The following CKAP5 variants were observed in gnomAD, a reference collection of about 807,000 sequenced individuals.
CKAP5 encodes the protein cytoskeleton associated protein 5.
CKAP5 carries 27 observed loss-of-function variants against 232.8 expected under a neutral mutation model. The ratio of observed to expected loss-of-function variants is 0.12; its 90% CI spans 0.09 to 0.16. The LOEUF (loss-of-function observed/expected upper bound fraction) is 0.16, where lower values mean the gene tolerates loss of function less well. Ranked by LOEUF, CKAP5 falls within the 10% of genes least tolerant of loss-of-function variation. The pLI is 1.00. For missense variants in CKAP5, 1,838 were observed against 2,424.7 expected (o/e 0.76, Z 5.08); for synonymous variants, 785 against 841.1 (o/e 0.93, Z 1.16).
chr11:46,758,760 A>G, intron 35 of CKAP5, 163 bp downstream of exon 35: 1 of 667,628 alleles, frequency 1.5e-6, no homozygotes, highest in South Asian at 2.4e-5. Context: ...ACATCCTCTG[A>G]GGCAAGTGAT....
At chr11:46,776,114 C>T (rs1386454199) in intron 24 of CKAP5, 141 bp downstream of exon 24, 2 of 625,582 alleles carry the variant, frequency 3.2e-6, no homozygotes, top group Non-Finnish European at 4.9e-6. Context: ...AATACAAAGG[C>T]CCCAGGAATG....
In CKAP5 at chr11:46,762,065, C is replaced by A. The variant is rs773484223; in HGVS notation, c.4156G>T (p.Ala1386Ser). The A allele has an allele frequency of 2.9e-5, 46 of 1,614,006 alleles. No homozygotes were observed. Among genetic ancestry groups the A allele is most frequent in the Non-Finnish European group, 3.9e-5 (46 of 1,179,962 alleles). ...GDRDNAVRNA[A>S]LNTIVTVYNV... ...TACACCGTTACAATGGTGTTGAGTG[C>A]AGCATTGCGTACAGCATTGTCACGG... is the stretch of plus-strand genomic sequence containing the variant. Residue 1386 changes from alanine to serine, a missense_variant, in exon 32 of 44, where the codon GCA (alanine) becomes TCA (serine). Physicochemically the swap from Ala to Ser is moderately conservative, Grantham distance 99. Around this residue, in one of 6 missense-constraint regions of CKAP5, gnomAD observed 579 missense variants for 843.2 expected, o/e 0.69. Coordinates refer to ENST00000529230, the MANE Select transcript of CKAP5 (RefSeq NM_001008938.4).
Position 46,809,883 on chromosome 11 carries a change from G to A in CKAP5, c.631-9C>T. ...TCTTCTAGTTCTTTCAACTGCAAAT[G>A]TCATATAATATTTAAATAATATCTG... is the stretch of plus-strand genomic sequence containing the variant. On this transcript the variant is annotated splice_polypyrimidine_tract_variant and intron_variant, in intron 5 of 43. Coordinates refer to ENST00000529230, the MANE Select transcript of CKAP5 (RefSeq NM_001008938.4). 4.4e-6 allele frequency: 7 copies of A among 1,599,158 alleles called. No individual in the cohort carries two copies. Among genetic ancestry groups the A allele is most frequent in the Non-Finnish European group, 6.0e-6 (7 of 1,174,918 alleles).
intron 1 of CKAP5, among the ~76,000 whole-genome samples, chr11:46,832,388 C>T: frequency 6.6e-6 from 1 of 152,096 alleles, no homozygotes; most frequent in East Asian, 1.9e-4. Flanking sequence ...TTTGGCAAAG[C>T]CATGGCAGTA....
At chr11:46,752,219 C>CACACACACAA in intron 38 of CKAP5, among the ~76,000 whole-genome samples, 1 of 86,240 alleles carries the variant, frequency 1.2e-5, no homozygotes, top group South Asian at 5.4e-4. Flanking sequence ...CACACACACA[C>CACACACACAA]ACACACACAC....
chr11:46,773,021 C>T (rs574090061), intron 24 of CKAP5, among the ~76,000 whole-genome samples: 4 of 152,238 alleles, frequency 2.6e-5, no homozygotes, highest in South Asian at 2.1e-4. Context: ...GGATTACAGG[C>T]GTGAGCCACC....
intron 9 of CKAP5, among the ~76,000 whole-genome samples, chr11:46,799,455 T>C (rs934243781): frequency 2.0e-5 from 3 of 152,246 alleles, no homozygotes; most frequent in Non-Finnish European, 2.9e-5. Context: ...GATATTTTAA[T>C]GTCTATAAAG....
chr11:46,823,161 A>G (rs1022126141), intron 1 of CKAP5, among the ~76,000 whole-genome samples: 30 of 152,186 alleles, frequency 2.0e-4, no homozygotes, highest in Non-Finnish European at 7.4e-5. Flanking sequence ...TGTAGAGACA[A>G]GGTCTCGTTA....
Position 46,778,576 on chromosome 11 carries a change from A to T in CKAP5, c.2457T>A (p.Ala819=), listed in dbSNP as rs759599948. Residue 819 remains alanine (A), a synonymous_variant, in exon 21 of 44, where the codon GCT becomes GCA. Coordinates refer to ENST00000529230, the MANE Select transcript of CKAP5 (RefSeq NM_001008938.4). ...FEKMQGQSPP[A]PTRGISKHST... The stretch of plus-strand genomic sequence containing the variant: ...TATGCTTGGAAATTCCTCTGGTTGG[A>T]GCAGGTGGACTTTGTCCCTGCATCT... 7 of 1,614,018 alleles carry T rather than the reference A, an allele frequency of 4.3e-6. No individual in the cohort carries two copies. In the Admixed American group the frequency reaches 1.2e-4, roughly 27 times the overall value.
chr11:46,804,944 A>G (rs1470592897), intron 8 of CKAP5, among the ~76,000 whole-genome samples: 1 of 151,896 alleles, frequency 6.6e-6, no homozygotes, highest in Non-Finnish European at 1.5e-5. Flanking sequence ...TTATAAATAA[A>G]AGAACTATAG....
rs370078179 is a variant in CKAP5 at position 46,744,509 on chromosome 11, T to C, written c.5773A>G (p.Thr1925Ala). The change falls in exon 43 of 44, where the codon ACA (threonine) becomes GCA (alanine). Residue 1925 changes from threonine to alanine, a missense_variant. Transcript: ENST00000529230. ...GATGGCCCCACTTCTTCCCCATTTG[T>C]GTTACCTATGGAGGACACTGTGCTT... The part of the protein sequence containing the change: ...PTSTVSSIGN[T>A]NGEEVGPSVY... 2.5e-6 allele frequency: 4 copies of C among 1,614,032 alleles called. No individual in the cohort carries two copies. The African/African-American group carries it at 5.3e-5, about 22-fold the overall frequency.
intron 23 of CKAP5, 51 bp downstream of exon 23, chr11:46,777,388 T>C: frequency 1.7e-6 from 2 of 1,145,674 alleles, no homozygotes; most frequent in South Asian, 1.3e-5. Context: ...AACCCAAAAA[T>C]ATGGCTGGCC....
At position 46,843,919 on chromosome 11, in the gene CKAP5, C is replaced by G. The variant is rs1940118243; in HGVS notation, c.-38+2301G>C. Among the ~76,000 whole-genome samples the G allele has an allele frequency of 2.6e-5, 4 of 152,040 alleles. No homozygotes were observed. In the South Asian group the frequency reaches 8.3e-4, roughly 32 times the overall value. ...GTTGATAAAGTCCTAATAGAAGCTA[C>G]AGTTAGAAAAGTGAGGGTTAGCCAG... On this transcript the variant is annotated intron_variant, in intron 1 of 43. Coordinates refer to ENST00000529230, the MANE Select transcript of CKAP5 (RefSeq NM_001008938.4).
chr11:46,818,444 C>A lies in CKAP5; in HGVS notation c.117G>T (p.Lys39Asn). 1 of 1,608,010 alleles carries A rather than the reference C, an allele frequency of 6.2e-7. No homozygotes were observed. Reference sequence around the variant, plus strand: ...TGGACCACTCTGGGCTCTTTTCATCCTTTATTTTCTGGAAGATCTTCAGGG... The same window carrying A: ...TGGACCACTCTGGGCTCTTTTCATCATTTATTTTCTGGAAGATCTTCAGGG... Reference protein sequence around the residue: ...EEALKIFQKIKDEKSPEWSKF... With the variant: ...EEALKIFQKINDEKSPEWSKF... The change falls in exon 3 of 44, where the codon AAG (lysine) becomes AAT (asparagine). Residue 39 changes from lysine to asparagine, a missense_variant. This residue lies in a region of CKAP5 where 285 missense variants were observed against 300.0 expected (regional missense o/e 0.95). Coordinates refer to ENST00000529230, the MANE Select transcript of CKAP5 (RefSeq NM_001008938.4).
At chr11:46,819,175 A>G (rs1317864851) in intron 2 of CKAP5, among the ~76,000 whole-genome samples, 1 of 152,188 alleles carries the variant, frequency 6.6e-6, no homozygotes, top group Non-Finnish European at 1.5e-5. Flanking sequence ...TAGTGTTAAG[A>G]AAAAATTTCC....
At chr11:46,799,086 GCCTCCTGGGCTCAAGTAAT>G (rs1250471101) in intron 9 of CKAP5, among the ~76,000 whole-genome samples, 1 of 152,134 alleles carries the variant, frequency 6.6e-6, no homozygotes, top group Admixed American at 6.5e-5. Context: ...TGAAGCCTCG[GCCTCCTGGGCTCAAGTAAT>G]CCTCTCATCT....
intron 1 of CKAP5, among the ~76,000 whole-genome samples, chr11:46,838,742 A>G (rs1401010476): frequency 1.4e-5 from 2 of 140,858 alleles, no homozygotes; most frequent in East Asian, 4.3e-4. Flanking sequence ...TGCAGTAAGC[A>G]GAGATCAGGC....
At chr11:46,763,245 AGT>A (rs2065171212) in intron 29 of CKAP5, 66 bp from the exon 30 acceptor site, 1 of 1,315,214 alleles carries the variant, frequency 7.6e-7, no homozygotes, top group Admixed American at 2.2e-5. Flanking sequence ...CTACTAGGCA[AGT>A]GTCTTTTAAA....
intron 15 of CKAP5, among the ~76,000 whole-genome samples, chr11:46,789,462 T>C (rs1456358134): frequency 6.6e-6 from 1 of 152,146 alleles, no homozygotes; most frequent in Non-Finnish European, 1.5e-5. Context: ...CCTATTTGCC[T>C]AGGAAGTTTA....
Sources: gnomAD v4.1 joint callset for allele counts (sites outside exome capture counted in the v4.1 genomes callset) on GRCh38, gnomAD v4.1.1 for gene constraint, gnomAD v4.1.1 regional missense constraint, MANE v1.5 for transcripts, NCBI Gene and HGNC (gene_info 2026-07-23, HGNC 2026-07-21) for gene names.